The following COL5A1 variants were observed in gnomAD, a reference collection of about 807,000 sequenced individuals.
COL5A1 encodes the protein collagen type V alpha 1 chain, also known as collagen alpha-1(V) chain.
Under a neutral mutation model 263.7 loss-of-function variants are expected in COL5A1, and 16 were observed. That is an observed-to-expected ratio of 0.06 (90% CI 0.04 to 0.09). COL5A1 has a LOEUF of 0.09. Ranked by LOEUF, COL5A1 falls within the 10% of genes least tolerant of loss-of-function variation. The pLI, the probability that COL5A1 is intolerant of heterozygous loss-of-function variation, is 1.00. For missense variants in COL5A1, 2,036 were observed against 2,540.5 expected (o/e 0.80, Z 4.27); for synonymous variants, 1,012 against 1,004.5 (o/e 1.01, Z -0.14).
In COL5A1 at chr9:134,716,974, G is replaced by A. The variant is rs1395599526; in HGVS notation, c.655-10292G>A. ...TTTCTCTGACACTCTCGTTAATAGT[G>A]TGAAACTCGTTCTCACAGGTGCTGT... On this transcript the variant is annotated intron_variant, in intron 4 of 65. Coordinates refer to ENST00000371817, the MANE Select transcript of COL5A1 (RefSeq NM_000093.5). This position sits in a 1 kb window ranked among gnomAD's most constrained non-coding sequence, Gnocchi z 4.5. Among the ~76,000 whole-genome samples, 1 of 151,932 alleles carries A rather than the reference G, an allele frequency of 6.6e-6. No individual in the cohort carries two copies. The highest frequency in any genetic ancestry group is 2.4e-5 in the African/African-American group (1 of 41,222).
intron 39 of COL5A1, 59 bp downstream of exon 39, chr9:134,803,054 C>G: frequency 7.1e-7 from 1 of 1,410,422 alleles, no homozygotes; most frequent in Non-Finnish European, 9.8e-7. Flanking sequence ...CATTTTGGGA[C>G]TTTGTGTTTT....
At chr9:134,784,855 G>T in intron 29 of COL5A1, 134 bp from the exon 30 acceptor site, 1 of 728,224 alleles carries the variant, frequency 1.4e-6, no homozygotes, top group South Asian at 1.6e-5. Flanking sequence ...GTCTGAGTGA[G>T]GCCGAGCTGG....
intron 28 of COL5A1, among the ~76,000 whole-genome samples, chr9:134,781,862 C>G (rs1057142304): frequency 6.6e-6 from 1 of 152,202 alleles, no homozygotes; most frequent in Admixed American, 6.5e-5. Context: ...GCCTCCCTTG[C>G]GTGTGCCCCC....
rs752189205 is a variant in COL5A1 at position 134,824,824 on chromosome 9, C to T, written c.4923C>T (p.Asp1641=). Reference sequence around the variant, plus strand: ...AGAACCCCGCCCGCACCTGCAAGGACCTGCAGCTCTGCCACCCCGACTTCC... The same window carrying T: ...AGAACCCCGCCCGCACCTGCAAGGATCTGCAGCTCTGCCACCCCGACTTCC... The part of the protein sequence containing the change: ...TQQNPARTCK[D]LQLCHPDFPD... The change falls in exon 62 of 66, where the codon GAC becomes GAT. Residue 1641 remains aspartate, a synonymous_variant. Coordinates refer to ENST00000371817, the MANE Select transcript of COL5A1 (RefSeq NM_000093.5). The T allele has an allele frequency of 3.1e-6, 5 of 1,613,748 alleles. No individual in the cohort carries two copies. The South Asian group carries it at 4.4e-5, about 14-fold the overall frequency.
intron 1 of COL5A1, among the ~76,000 whole-genome samples, chr9:134,665,067 C>CG (rs1214682574): frequency 3.3e-5 from 5 of 152,112 alleles, no homozygotes; most frequent in Non-Finnish European, 7.4e-5. Flanking sequence ...GGTGTGGTGG[C>CG]GGGCGTCTGT....
At chr9:134,687,123 G>A (rs546052998) in intron 1 of COL5A1, among the ~76,000 whole-genome samples, 9 of 152,296 alleles carry the variant, frequency 5.9e-5, no homozygotes, top group African/African-American at 1.7e-4. Flanking sequence ...GTCCCAGGCC[G>A]TGGCATGCGT....
intron 31 of COL5A1, among the ~76,000 whole-genome samples, chr9:134,788,923 G>C (rs1479860587): frequency 1.3e-5 from 2 of 150,942 alleles, no homozygotes; most frequent in African/African-American, 4.9e-5. Context: ...CGGATGAATG[G>C]GTAGGTGGGT....
intron 48 of COL5A1, 63 bp downstream of exon 48, chr9:134,812,775 TGTGTGTG>T: frequency 9.9e-7 from 1 of 1,012,998 alleles, no homozygotes; most frequent in Non-Finnish European, 1.5e-6. Context: ...TGTGTGTGTC[TGTGTGTG>T]TGTGTCTGTG....
Position 134,757,893 on chromosome 9 carries a change from C to A in COL5A1, c.1882-350C>A, listed in dbSNP as rs925463503. Among the ~76,000 whole-genome samples the A allele has an allele frequency of 6.6e-6, 1 of 152,172 alleles. No homozygotes were observed. Among genetic ancestry groups the A allele is most frequent in the Non-Finnish European group, 1.5e-5 (1 of 68,024 alleles). On this transcript the variant is annotated intron_variant, in intron 17 of 65. Transcript: ENST00000371817. The surrounding 1 kb of genome is among the most constrained non-coding windows in gnomAD (Gnocchi z 6.2). ...AGCGGACACACCGGGACCCTGCTCT[C>A]CTGGAGCCTCCCTGGGGTGGGGGAG...
chr9:134,743,717 C>T (rs956713226), intron 11 of COL5A1, among the ~76,000 whole-genome samples: 3 of 152,184 alleles, frequency 2.0e-5, no homozygotes, highest in South Asian at 2.1e-4. Context: ...TGATGCTGCC[C>T]GGCGCTGTCT....
chr9:134,766,914 G>A, intron 22 of COL5A1, 86 bp from the exon 23 acceptor site: 1 of 1,276,830 alleles, frequency 7.8e-7, no homozygotes, highest in Non-Finnish European at 1.1e-6. Context: ...GAAAGGATGG[G>A]AGGCCAGTGA....
At chr9:134,669,773 G>T (rs987307025) in intron 1 of COL5A1, among the ~76,000 whole-genome samples, 3 of 152,170 alleles carry the variant, frequency 2.0e-5, no homozygotes, top group African/African-American at 7.2e-5. Context: ...GCAGAGGTGG[G>T]GTGTGGATGG....
chr9:134,819,627 G>A (rs941706948), intron 57 of COL5A1, among the ~76,000 whole-genome samples: 10 of 152,176 alleles, frequency 6.6e-5, no homozygotes, highest in African/African-American at 2.4e-4. Context: ...TGCGAGGCTT[G>A]CCCTGGGTTC....
Position 134,842,041 on chromosome 9 carries a change from A to G in COL5A1, c.5371-116A>G. 8.5e-7 allele frequency: 1 copy of G among 1,177,114 alleles called. No homozygotes were observed. The highest frequency in any genetic ancestry group is 1.3e-6 in the Non-Finnish European group (1 of 797,190). The allele number at this position is 1,177,114 out of a possible 1,614,324, so 72.9% of individuals were successfully genotyped here. A position where few individuals can be genotyped will look rare whatever the true frequency, so the allele number is the denominator to read the frequency against. Reference sequence around the variant, plus strand: ...TGCCCGGGCAAGCGCAGCCCTGGGTAGGAGACAGGACACCAGCCTGGGTTT... The same window carrying G: ...TGCCCGGGCAAGCGCAGCCCTGGGTGGGAGACAGGACACCAGCCTGGGTTT... On this transcript the variant is annotated intron_variant, in intron 65 of 65. Coordinates refer to ENST00000371817, the MANE Select transcript of COL5A1 (RefSeq NM_000093.5). The surrounding 1 kb of genome is among the most constrained non-coding windows in gnomAD (Gnocchi z 5.8).
chr9:134,810,556 T>C (rs1276740356), intron 44 of COL5A1: 6 of 539,302 alleles, frequency 1.1e-5, no homozygotes, highest in African/African-American at 1.9e-5. Context: ...ATTAAATAAA[T>C]GGAGTGTTTC....
intron 31 of COL5A1, among the ~76,000 whole-genome samples, chr9:134,786,456 TC>T (rs1193798469): frequency 6.6e-6 from 1 of 152,166 alleles, no homozygotes; most frequent in Non-Finnish European, 1.5e-5. Flanking sequence ...CTGGGGTCCT[TC>T]TGGGATCCTC....
intron 27 of COL5A1, among the ~76,000 whole-genome samples, chr9:134,777,473 G>A (rs750779802): frequency 3.3e-5 from 5 of 152,210 alleles, no homozygotes; most frequent in Admixed American, 6.5e-5. Flanking sequence ...CAACAGCCCC[G>A]TGGCCAAGAA....
At chr9:134,643,465 G>T (rs1831370447) in intron 1 of COL5A1, among the ~76,000 whole-genome samples, 1 of 152,200 alleles carries the variant, frequency 6.6e-6, no homozygotes, top group Non-Finnish European at 1.5e-5. Context: ...CATTGTCCGT[G>T]TTCCGCTTGT....
chr9:134,831,996 G>C (rs779801084), intron 64 of COL5A1, among the ~76,000 whole-genome samples: 1 of 152,178 alleles, frequency 6.6e-6, no homozygotes, highest in Non-Finnish European at 1.5e-5. Flanking sequence ...CAGGTGCAGG[G>C]GCTCATGCTT....
Sources: allele counts gnomAD v4.1 joint callset (sites outside exome capture counted in the v4.1 genomes callset), GRCh38; gene constraint gnomAD v4.1.1; non-coding constraint Gnocchi (gnomAD v3.1); transcripts MANE v1.5; gene names NCBI Gene and HGNC (gene_info 2026-07-23, HGNC 2026-07-21).